NR2F1-AS1: variants seen among roughly 807,000 people sequenced by gnomAD.
NR2F1-AS1 encodes the protein NR2F1 regulatory antisense RNA 1, also known as NR2F1 antisense RNA 1.
At chr5:93,527,826 C>T (rs1324138145) in intron 4 of NR2F1-AS1, among the ~76,000 whole-genome samples, 1 of 152,190 alleles carries the variant, frequency 6.6e-6, no homozygotes, top group African/African-American at 2.4e-5. Context: ...CCCTTCCTTA[C>T]ACCTTACACA....
At chr5:93,507,823 C>T (rs938498771) in intron 4 of NR2F1-AS1, among the ~76,000 whole-genome samples, 2 of 152,106 alleles carry the variant, frequency 1.3e-5, no homozygotes, top group African/African-American at 4.8e-5. Flanking sequence ...TAATAGCATT[C>T]CTACACAGAG....
chr5:93,559,690 T>C (rs1752442856), intron 2 of NR2F1-AS1, among the ~76,000 whole-genome samples: 1 of 152,194 alleles, frequency 6.6e-6, no homozygotes, highest in Non-Finnish European at 1.5e-5. Context: ...TCTTATTGTG[T>C]CTCAGGGAAT....
At chr5:93,492,836 C>T (rs1484626074) in intron 4 of NR2F1-AS1, among the ~76,000 whole-genome samples, 2 of 149,774 alleles carry the variant, frequency 1.3e-5, no homozygotes, top group African/African-American at 4.9e-5. Flanking sequence ...AATTCTATAT[C>T]ATTTCATGAT....
chr5:93,507,124 A>G (rs1290606842), intron 4 of NR2F1-AS1, among the ~76,000 whole-genome samples: 2 of 152,220 alleles, frequency 1.3e-5, no homozygotes, highest in Non-Finnish European at 2.9e-5. Context: ...CAAAAGACAC[A>G]GGAAAAAAAA....
chr5:93,575,271 C>T (rs1219388748), intron 1 of NR2F1-AS1, among the ~76,000 whole-genome samples: 3 of 152,216 alleles, frequency 2.0e-5, no homozygotes, highest in East Asian at 1.9e-4. Context: ...ATCCAATGTC[C>T]TTTTCTGGAT....
chr5:93,504,155 C>G (rs1423635671), intron 4 of NR2F1-AS1, among the ~76,000 whole-genome samples: 3 of 152,096 alleles, frequency 2.0e-5, no homozygotes, highest in Non-Finnish European at 4.4e-5. Context: ...CAAAAAATTA[C>G]AATTTGTTAT....
intron 2 of NR2F1-AS1, among the ~76,000 whole-genome samples, chr5:93,555,642 T>A (rs1449699247): frequency 6.6e-6 from 1 of 152,134 alleles, no homozygotes; most frequent in Non-Finnish European, 1.5e-5. Flanking sequence ...ATGGACTAAA[T>A]CACACAAGAC....
Position 93,490,106 on chromosome 5 carries a change from C to T in NR2F1-AS1, n.638+63655G>A, listed in dbSNP as rs149650174. 2.8e-3 allele frequency among the ~76,000 whole-genome samples: 420 copies of T among 152,286 alleles called. 1 individual carries two copies. The highest frequency in any genetic ancestry group is 9.9e-3 in the African/African-American group (413 of 41,552). On this transcript the variant is annotated intron_variant and non_coding_transcript_variant, in intron 4 of 5. Coordinates refer to ENST00000660523, the Ensembl canonical transcript of NR2F1-AS1. ...TACTTGGTGCAATTATTGTTATAAACATGATTCTTGCTTGTTAAATAAATG... is the reference window on the plus strand; with the variant it reads ...TACTTGGTGCAATTATTGTTATAAATATGATTCTTGCTTGTTAAATAAATG...
chr5:93,473,632 A>G lies in NR2F1-AS1; in HGVS notation n.639-78090T>C, dbSNP rs551534619. Among the ~76,000 whole-genome samples the G allele has an allele frequency of 1.7e-4, 25 of 151,010 alleles. No individual in the cohort carries two copies. In the South Asian group the frequency reaches 4.8e-3, roughly 29 times the overall value. On this transcript the variant is annotated intron_variant and non_coding_transcript_variant, in intron 4 of 5. Transcript: ENST00000660523. Reference sequence around the variant, plus strand: ...TTAAATATATATATTATATATATAAAGTATGCTTCAATATATATATTGAAG... The same window carrying G: ...TTAAATATATATATTATATATATAAGGTATGCTTCAATATATATATTGAAG...
chr5:93,447,648 G>A (rs1037959123), intron 4 of NR2F1-AS1, among the ~76,000 whole-genome samples: 36 of 152,296 alleles, frequency 2.4e-4, no homozygotes, highest in African/African-American at 7.5e-4. Flanking sequence ...ACAGTGTGGC[G>A]ATTCCTCAAG....
intron 4 of NR2F1-AS1, among the ~76,000 whole-genome samples, chr5:93,541,457 G>C (rs1751948431): frequency 6.6e-6 from 1 of 152,102 alleles, no homozygotes. Context: ...AAACCTAGTG[G>C]CTATGCCTCC....
intron 4 of NR2F1-AS1, among the ~76,000 whole-genome samples, chr5:93,540,850 G>C (rs72786622): frequency 0.022 from 3,311 of 152,200 alleles, 45 homozygotes; most frequent in Middle Eastern, 0.031. Context: ...AAAAAGCATG[G>C]GAACACCAAT....
At chr5:93,550,886 T>C (rs1045409585) in intron 4 of NR2F1-AS1, among the ~76,000 whole-genome samples, 13 of 152,002 alleles carry the variant, frequency 8.6e-5, no homozygotes, top group Non-Finnish European at 1.6e-4. Context: ...TGATAATGTC[T>C]AGTTAGTTAA....
intron 4 of NR2F1-AS1, among the ~76,000 whole-genome samples, chr5:93,456,803 G>A (rs190872838): frequency 6.6e-6 from 1 of 151,956 alleles, no homozygotes; most frequent in African/African-American, 2.4e-5. Context: ...GGGACAACAG[G>A]GAGACAATGG....
chr5:93,541,048 C>T (rs1184756807), intron 4 of NR2F1-AS1, among the ~76,000 whole-genome samples: 1 of 152,194 alleles, frequency 6.6e-6, no homozygotes, highest in Non-Finnish European at 1.5e-5. Flanking sequence ...CTAACCACCT[C>T]TAAGTGTCAC....
intron 4 of NR2F1-AS1, among the ~76,000 whole-genome samples, chr5:93,548,866 TG>T (rs1752156741): frequency 6.6e-6 from 1 of 152,138 alleles, no homozygotes; most frequent in African/African-American, 2.4e-5. Context: ...AGTGAGAATC[TG>T]CCTCAAGAAA....
At chr5:93,565,682 C>T (rs1752601991) in intron 1 of NR2F1-AS1, among the ~76,000 whole-genome samples, 1 of 151,474 alleles carries the variant, frequency 6.6e-6, no homozygotes, top group East Asian at 1.9e-4. Flanking sequence ...CATCTTTAAT[C>T]AAAAGGTAAA....
At chr5:93,561,792 A>G (rs889213045) in intron 2 of NR2F1-AS1, among the ~76,000 whole-genome samples, 21 of 152,132 alleles carry the variant, frequency 1.4e-4, no homozygotes, top group Non-Finnish European at 3.1e-4. Context: ...AACAAATTTT[A>G]TAATTATATT....
intron 2 of NR2F1-AS1, among the ~76,000 whole-genome samples, chr5:93,557,680 T>C (rs558124331): frequency 6.6e-6 from 1 of 152,282 alleles, no homozygotes; most frequent in Admixed American, 6.5e-5. Flanking sequence ...CTGATCAAGG[T>C]GGTGATTGCC....
Sources: allele counts gnomAD v4.1 joint callset (sites outside exome capture counted in the v4.1 genomes callset), GRCh38; gene constraint gnomAD v4.1.1; transcripts MANE v1.5; gene names NCBI Gene and HGNC (gene_info 2026-07-23, HGNC 2026-07-21).